ZNF892: variants seen among roughly 807,000 people sequenced by gnomAD.
ZNF892 encodes zinc finger protein 892, also known as zinc finger protein 570-like.
At chr2:95,239,135 G>C in the ZNF892 span, among the ~76,000 whole-genome samples, 1 of 111,360 alleles carries the variant, frequency 9.0e-6, no homozygotes, top group Non-Finnish European at 1.8e-5. Flanking sequence ...GCAAAACTCC[G>C]TCTCAAAGGA....
chr2:95,220,069 G>C, the ZNF892 span, among the ~76,000 whole-genome samples: 2 of 152,178 alleles, frequency 1.3e-5, no homozygotes, highest in African/African-American at 2.4e-5. Flanking sequence ...CTCTGGGTAG[G>C]GGGGACGCTG....
the ZNF892 span, among the ~76,000 whole-genome samples, chr2:95,256,816 A>T: frequency 6.6e-6 from 1 of 151,930 alleles, no homozygotes; most frequent in South Asian, 2.1e-4. Context: ...GCTTCATTTC[A>T]TTCATTTTAT....
the ZNF892 span, among the ~76,000 whole-genome samples, chr2:95,229,800 C>T: frequency 2.0e-5 from 3 of 152,106 alleles, no homozygotes; most frequent in Admixed American, 6.5e-5. Context: ...GGTACATATA[C>T]CTAGGAGTAG....
the ZNF892 span, among the ~76,000 whole-genome samples, chr2:95,233,227 TCTCA>T: frequency 6.6e-6 from 1 of 151,702 alleles, no homozygotes; most frequent in South Asian, 2.1e-4. Flanking sequence ...GGAGGCAGAT[TCTCA>T]CTCTGTCGCC....
the ZNF892 span, among the ~76,000 whole-genome samples, chr2:95,240,031 T>A: frequency 6.6e-6 from 1 of 152,192 alleles, no homozygotes; most frequent in South Asian, 2.1e-4. Flanking sequence ...TTAAGTAGTC[T>A]AGTAGATCTA....
the ZNF892 span, among the ~76,000 whole-genome samples, chr2:95,233,455 C>T: frequency 6.6e-5 from 10 of 151,326 alleles, no homozygotes; most frequent in African/African-American, 1.9e-4. Context: ...GGGTGGATCA[C>T]GAAGTCAGGA....
chr2:95,225,721 A>C, the ZNF892 span, among the ~76,000 whole-genome samples: 21 of 152,236 alleles, frequency 1.4e-4, no homozygotes, highest in Non-Finnish European at 2.9e-4. Context: ...TTCATAATCA[A>C]CTTCAGATTC....
At chr2:95,237,690 G>A in the ZNF892 span, among the ~76,000 whole-genome samples, 1 of 152,262 alleles carries the variant, frequency 6.6e-6, no homozygotes, top group Non-Finnish European at 1.5e-5. Flanking sequence ...TGAAAGCTAG[G>A]CCTGTTGCAC....
At chr2:95,249,104 C>T in the ZNF892 span, among the ~76,000 whole-genome samples, 17 of 150,962 alleles carry the variant, frequency 1.1e-4, no homozygotes, top group Non-Finnish European at 2.2e-4. Flanking sequence ...TATAAAAACA[C>T]ATCCTGTTTT....
chr2:95,210,465 C>T, the ZNF892 span, among the ~76,000 whole-genome samples: 1 of 152,066 alleles, frequency 6.6e-6, no homozygotes, highest in East Asian at 1.9e-4. Flanking sequence ...ATTACCTGCC[C>T]TACTCCCTTA....
At chr2:95,219,934 A>G in the ZNF892 span, among the ~76,000 whole-genome samples, 1 of 152,100 alleles carries the variant, frequency 6.6e-6, no homozygotes, top group Non-Finnish European at 1.5e-5. Context: ...TGCTACTTAC[A>G]TGGCCTCGAT....
the ZNF892 span, among the ~76,000 whole-genome samples, chr2:95,241,261 CT>C: frequency 1.3e-5 from 2 of 152,216 alleles, no homozygotes; most frequent in African/African-American, 4.8e-5. Context: ...CAGCACCCCC[CT>C]GGGATGGAGC....
the ZNF892 span, among the ~76,000 whole-genome samples, chr2:95,243,191 G>C: frequency 6.6e-6 from 1 of 152,004 alleles, no homozygotes; most frequent in Non-Finnish European, 1.5e-5. Context: ...GCGTGATCTC[G>C]GCTCGCTACA....
At chr2:95,262,348 C>T in the ZNF892 span, among the ~76,000 whole-genome samples, 3 of 152,192 alleles carry the variant, frequency 2.0e-5, no homozygotes, top group Non-Finnish European at 4.4e-5. Flanking sequence ...TGTCTACACT[C>T]CCTTCTCCCT....
At chr2:95,227,042 T>C in the ZNF892 span, among the ~76,000 whole-genome samples, 6 of 152,244 alleles carry the variant, frequency 3.9e-5, no homozygotes, top group East Asian at 1.2e-3. Context: ...AAATAATCGC[T>C]ACCACAATTT....
chr2:95,261,133 A>G, the ZNF892 span, among the ~76,000 whole-genome samples: 3 of 152,196 alleles, frequency 2.0e-5, no homozygotes, highest in East Asian at 3.9e-4. Flanking sequence ...GAGACTCATG[A>G]CAACCCAGAA....
the ZNF892 span, among the ~76,000 whole-genome samples, chr2:95,227,824 C>A: frequency 2.0e-5 from 3 of 152,044 alleles, no homozygotes; most frequent in East Asian, 5.8e-4. Flanking sequence ...CGCTATGGTA[C>A]ACAGGCTGGT....
the ZNF892 span, among the ~76,000 whole-genome samples, chr2:95,227,258 C>G: frequency 2.0e-5 from 3 of 152,176 alleles, 1 homozygote. Context: ...GGATTGCCGA[C>G]ATCATGACAT....
At chr2:95,220,742 A>G in the ZNF892 span, among the ~76,000 whole-genome samples, 2 of 152,316 alleles carry the variant, frequency 1.3e-5, no homozygotes, top group African/African-American at 2.4e-5. Context: ...ATAGGTAGAA[A>G]CTATCAGCCT....
Sources: gnomAD v4.1 joint callset for allele counts (sites outside exome capture counted in the v4.1 genomes callset) on GRCh38, gnomAD v4.1.1 for gene constraint, MANE v1.5 for transcripts, NCBI Gene and HGNC (gene_info 2026-07-23, HGNC 2026-07-21) for gene names.